CTNND1: variants seen among roughly 807,000 people sequenced by gnomAD.
CTNND1 encodes catenin delta 1, also known as catenin delta-1.
Under a neutral mutation model 112.1 loss-of-function variants are expected in CTNND1, and 16 were observed. The ratio of observed to expected loss-of-function variants is 0.14; its 90% CI spans 0.10 to 0.22. CTNND1 has a LOEUF of 0.22. Ranked by LOEUF, CTNND1 falls within the 10% of genes least tolerant of loss-of-function variation. The probability of loss-of-function intolerance (pLI) is 1.00; values close to 1 mark genes in which losing one functional copy is unlikely to be tolerated. For synonymous variants in CTNND1, 420 were observed against 446.5 expected, an observed-to-expected ratio of 0.94 and a Z score of 0.75; for missense variants, 1,008 against 1,257.0, an observed-to-expected ratio of 0.80 and a Z score of 3.00.
At chr11:57,775,903 T>G (rs924674605) in intron 1 of CTNND1, among the ~76,000 whole-genome samples, 4 of 152,202 alleles carry the variant, frequency 2.6e-5, no homozygotes, top group African/African-American at 4.8e-5. Context: ...TTGAGTTTAG[T>G]CTGGGAAGCC....
chr11:57,784,640 A>C (rs1034768853), intron 1 of CTNND1, among the ~76,000 whole-genome samples: 6 of 152,034 alleles, frequency 3.9e-5, no homozygotes, highest in African/African-American at 1.4e-4. Flanking sequence ...AATAGCTGGG[A>C]TTACAGGTGT....
At chr11:57,776,061 T>C (rs1361817553) in intron 1 of CTNND1, among the ~76,000 whole-genome samples, 2 of 152,138 alleles carry the variant, frequency 1.3e-5, no homozygotes, top group Non-Finnish European at 2.9e-5. Context: ...GAGAACATAA[T>C]TGGGCAGAGG....
Position 57,816,001 on chromosome 11 carries a change from G to A in CTNND1, c.2895G>A (p.Met965Ile). The A allele has an allele frequency of 6.3e-7, 1 of 1,576,436 alleles. No individual in the cohort carries two copies. The highest frequency in any genetic ancestry group is 1.2e-5 in the South Asian group (1 of 84,074). Residue 965 changes from methionine to isoleucine, a missense_variant and splice_region_variant, in exon 20 of 21, where the codon ATG (methionine) becomes ATA (isoleucine). Coordinates refer to ENST00000399050, the MANE Select transcript of CTNND1 (RefSeq NM_001085458.2). ...GGGGCCAAGTGTCTTACCCCTCCAT[G>A]GTATGTCCTTCAGTCACCCCCAAGA... The part of the protein sequence containing the change: ...DEGGQVSYPS[M>I]QKI
At chr11:57,797,235 T>C (rs2061436696) in intron 6 of CTNND1, among the ~76,000 whole-genome samples, 1 of 148,264 alleles carries the variant, frequency 6.7e-6, no homozygotes, top group Non-Finnish European at 1.5e-5. Flanking sequence ...TATAATTTTA[T>C]TTTTTATTTT....
chr11:57,763,673 A>G (rs565245065), intron 1 of CTNND1, among the ~76,000 whole-genome samples: 1 of 152,322 alleles, frequency 6.6e-6, no homozygotes, highest in East Asian at 1.9e-4. Context: ...AATATTTTCC[A>G]AATTTTCTTT....
chr11:57,810,003 G>T (rs1201509577), intron 15 of CTNND1, 106 bp from the exon 16 acceptor site: 1 of 711,632 alleles, frequency 1.4e-6, no homozygotes, highest in Non-Finnish European at 2.1e-6. Context: ...GAGCCACTGT[G>T]CCCTGCCCCT....
Position 57,814,245 on chromosome 11 carries a change from T to C in CTNND1, c.2639-66T>C. The C allele has an allele frequency of 4.9e-6, 6 of 1,212,222 alleles. No homozygotes were observed. In the South Asian group the frequency reaches 7.7e-5, roughly 16 times the overall value. 75.1% of individuals were successfully genotyped at this position (1,212,222 alleles called of 1,614,324 possible). ...GGAAGGAAGGAGGACCAGAGAGCAATTTTCATGATGTGTACAGATTTTGAA... is the reference window on the plus strand; with the variant it reads ...GGAAGGAAGGAGGACCAGAGAGCAACTTTCATGATGTGTACAGATTTTGAA... On this transcript the variant is annotated intron_variant, in intron 17 of 20. Coordinates refer to ENST00000399050, the MANE Select transcript of CTNND1 (RefSeq NM_001085458.2).
chr11:57,775,593 A>G (rs1393457351), intron 1 of CTNND1, among the ~76,000 whole-genome samples: 3 of 152,182 alleles, frequency 2.0e-5, no homozygotes, highest in African/African-American at 7.2e-5. Context: ...TGTGGAACAA[A>G]TTCAGGAGAG....
Position 57,816,489 on chromosome 11 carries a change from T to G in CTNND1, c.*181T>G, listed in dbSNP as rs929447586. ...ACTCCCAACTTCTTCCTGTGAAGTT[T>G]AATTGTCTCAACGCCTCCCCCTCCC... On this transcript the variant is annotated 3_prime_UTR_variant, in exon 21 of 21. Coordinates refer to ENST00000399050, the MANE Select transcript of CTNND1 (RefSeq NM_001085458.2). The G allele has an allele frequency of 1.5e-4, 107 of 691,522 alleles. No individual in the cohort carries two copies. The African/African-American group carries it at 1.7e-3, about 11-fold the overall frequency. The allele number at this position is 691,522 out of a possible 1,614,324, so 42.8% of individuals were successfully genotyped here. A position where few individuals can be genotyped will look rare whatever the true frequency, so the allele number is the denominator to read the frequency against.
At chr11:57,762,971 T>C (rs1383715677) in intron 1 of CTNND1, among the ~76,000 whole-genome samples, 2 of 152,196 alleles carry the variant, frequency 1.3e-5, no homozygotes, top group Non-Finnish European at 2.9e-5. Flanking sequence ...GGAATAAAAT[T>C]AGGTTTAGAA....
chr11:57,786,330 G>A (rs61888909), intron 1 of CTNND1, among the ~76,000 whole-genome samples: 4 of 151,854 alleles, frequency 2.6e-5, no homozygotes, highest in Admixed American at 6.6e-5. Context: ...TCAGGAGATC[G>A]AGACCATCCT....
In CTNND1 at chr11:57,800,083, C is replaced by A. The variant is rs368390601; in HGVS notation, c.957-1650C>A. Among the ~76,000 whole-genome samples the A allele has an allele frequency of 2.3e-4, 31 of 133,626 alleles. No individual in the cohort carries two copies. In the East Asian group the frequency reaches 3.4e-3, roughly 15 times the overall value. The allele number at this position is 133,626 out of a possible 152,430, so 87.7% of individuals were successfully genotyped here. A position where few individuals can be genotyped will look rare whatever the true frequency, so the allele number is the denominator to read the frequency against. ...TATTATACCCAGGAGGCTTTTTGTTCCATGCATGGTATTTTATAATGTTAG... is the reference window on the plus strand; with the variant it reads ...TATTATACCCAGGAGGCTTTTTGTTACATGCATGGTATTTTATAATGTTAG... On this transcript the variant is annotated intron_variant, in intron 6 of 20. Coordinates refer to ENST00000399050, the MANE Select transcript of CTNND1 (RefSeq NM_001085458.2).
Position 57,785,542 on chromosome 11 carries a change from A to ATT in CTNND1, c.-213-3489_-213-3488dup, listed in dbSNP as rs80089657. Among the ~76,000 whole-genome samples the ATT allele has an allele frequency of 1.5e-4, 23 of 151,122 alleles. No homozygotes were observed. The East Asian group carries it at 1.9e-3, about 13-fold the overall frequency. On this transcript the variant is annotated intron_variant, in intron 1 of 20. Transcript: ENST00000399050. ...CCAGGGACTGTGCTATTGGTAGGTG[A>ATT]TTTTTTTGTGTGTGTGTGTGTGTGG...
At chr11:57,810,357 C>G in intron 16 of CTNND1, 134 bp downstream of exon 16, 3 of 558,320 alleles carry the variant, frequency 5.4e-6, no homozygotes, top group Non-Finnish European at 8.8e-6. Flanking sequence ...GAGACAGAGT[C>G]TCACTCTGTT....
chr11:57,779,727 TGGTAG>T (rs1190852701), intron 1 of CTNND1, among the ~76,000 whole-genome samples: 1 of 152,124 alleles, frequency 6.6e-6, no homozygotes, highest in Non-Finnish European at 1.5e-5. Flanking sequence ...TTTTTTCTTG[TGGTAG>T]GGTTGAGGGG....
rs963086305 is a variant in CTNND1, at chr11:57,818,992, A to G, written c.*2684A>G. Reference sequence around the variant, plus strand: ...CAATAGGCCTATTTATTAATATTTTACAGACCATATTACCTGGATTACCAG... The same window carrying G: ...CAATAGGCCTATTTATTAATATTTTGCAGACCATATTACCTGGATTACCAG... On this transcript the variant is annotated 3_prime_UTR_variant, in exon 21 of 21. Transcript: ENST00000399050. 5.3e-5 allele frequency: 8 copies of G among 152,240 alleles called. No individual in the cohort carries two copies. Among genetic ancestry groups the G allele is most frequent in the African/African-American group, 1.9e-4 (8 of 41,462 alleles). 9.4% of individuals were successfully genotyped at this position (152,240 alleles called of 1,614,324 possible). A position where few individuals can be genotyped will look rare whatever the true frequency, so the allele number is the denominator to read the frequency against.
intron 4 of CTNND1, among the ~76,000 whole-genome samples, chr11:57,795,360 G>A (rs1236086530): frequency 2.0e-5 from 3 of 152,176 alleles, no homozygotes; most frequent in East Asian, 1.9e-4. Context: ...GCTATAGTTA[G>A]TTCATGTTTG....
chr11:57,805,494 C>T (rs1447595555), intron 9 of CTNND1, among the ~76,000 whole-genome samples: 7 of 152,094 alleles, frequency 4.6e-5, no homozygotes, highest in East Asian at 3.9e-4. Context: ...CCACCCGCCT[C>T]GGCCTCCCAA....
rs1172556412 is a variant in CTNND1 at position 57,816,517 on chromosome 11, A to G, written c.*209A>G. 1.3e-5 allele frequency: 8 copies of G among 592,784 alleles called. No individual in the cohort carries two copies. Among genetic ancestry groups the G allele is most frequent in the African/African-American group, 3.8e-5 (2 of 53,310 alleles). The allele number at this position is 592,784 out of a possible 1,614,324, so 36.7% of individuals were successfully genotyped here. On this transcript the variant is annotated 3_prime_UTR_variant, in exon 21 of 21. Transcript: ENST00000399050. ...TTGTCTCAACGCCTCCCCCTCCCCC[A>G]TTCCCTCCATTTTTCTCCCAAGAAA...
Sources: allele counts gnomAD v4.1 joint callset (sites outside exome capture counted in the v4.1 genomes callset), GRCh38; gene constraint gnomAD v4.1.1; transcripts MANE v1.5; gene names NCBI Gene and HGNC (gene_info 2026-07-23, HGNC 2026-07-21).